Variants in LHFPL3 observed in about 807,000 individuals in gnomAD.
The protein encoded by LHFPL3 is LHFPL tetraspan subfamily member 3 protein.
In LHFPL3, 5 loss-of-function variants were observed where a neutral mutation model predicts 19.3. The ratio of observed to expected loss-of-function variants is 0.26; its 90% CI spans 0.14 to 0.54. The LOEUF (loss-of-function observed/expected upper bound fraction) is 0.54. Among genes scored for constraint, LHFPL3 ranks in the 20% least tolerant of loss-of-function variants. The probability of loss-of-function intolerance (pLI) is 0.94; values close to 1 mark genes in which losing one functional copy is unlikely to be tolerated. For synonymous variants in LHFPL3, 133 were observed against 126.2 expected, an observed-to-expected ratio of 1.05 and a Z score of -0.36; for missense variants, 249 against 307.4, an observed-to-expected ratio of 0.81 and a Z score of 1.42.
chr7:104,665,455 C>A lies in LHFPL3; in HGVS notation c.446-71220C>A, dbSNP rs138065643. On this transcript the variant is annotated intron_variant, in intron 1 of 2. Transcript: ENST00000424859. ...TTAAAAAAATGTAACCATATTCAGG[C>A]TTTTTTAACTATTAAAAAATTCCAG... 4.5e-4 allele frequency among the ~76,000 whole-genome samples: 68 copies of A among 152,268 alleles called. 1 individual carries two copies. In the East Asian group the frequency reaches 8.7e-3, roughly 19 times the overall value.
chr7:104,839,694 AAAATT>A (rs142031787), intron 2 of LHFPL3, among the ~76,000 whole-genome samples: 32,673 of 151,850 alleles, frequency 0.22, 3,750 homozygotes, highest in South Asian at 0.39. Context: ...AGAAAGAAAA[AAAATT>A]AAATTAACAT....
In LHFPL3 at chr7:104,343,512, C is replaced by CAAAAAAAAAAAAAAAAAAA. The variant is rs536122769; in HGVS notation, c.445+14309_445+14327dup. Among the ~76,000 whole-genome samples, 3 of 47,476 alleles carry CAAAAAAAAAAAAAAAAAAA rather than the reference C, an allele frequency of 6.3e-5. 1 individual carries two copies. Among genetic ancestry groups the CAAAAAAAAAAAAAAAAAAA allele is most frequent in the Admixed American group, 5.0e-4 (2 of 3,964 alleles). The allele number at this position is 47,476 out of a possible 152,430, so 31.1% of individuals were successfully genotyped here. On this transcript the variant is annotated intron_variant, in intron 1 of 2. Coordinates refer to ENST00000424859, the MANE Select transcript of LHFPL3 (RefSeq NM_199000.3). ...TGGGCAACAGAGTGAGACTCTGTCT[C>CAAAAAAAAAAAAAAAAAAA]AAAAAAAAAAAAAAAAAAAAAAAAA...
At chr7:104,901,630 CGTTCATG>C (rs1176396321) in intron 2 of LHFPL3, among the ~76,000 whole-genome samples, 1 of 152,026 alleles carries the variant, frequency 6.6e-6, no homozygotes, top group Non-Finnish European at 1.5e-5. Flanking sequence ...TGCAGTGGTG[CGTTCATG>C]GCTCACTGCA....
chr7:104,759,383 A>T (rs1379888298), intron 2 of LHFPL3, among the ~76,000 whole-genome samples: 1 of 152,208 alleles, frequency 6.6e-6, no homozygotes, highest in Admixed American at 6.5e-5. Flanking sequence ...TTTTAAAAAA[A>T]GGTGAAATTA....
At chr7:104,661,698 G>A (rs1792226259) in intron 1 of LHFPL3, among the ~76,000 whole-genome samples, 1 of 152,160 alleles carries the variant, frequency 6.6e-6, no homozygotes, top group African/African-American at 2.4e-5. Flanking sequence ...AAACTAGATA[G>A]ACCATGCAGA....
intron 1 of LHFPL3, among the ~76,000 whole-genome samples, chr7:104,672,057 A>ATG (rs71968211): frequency 1.1e-3 from 95 of 86,438 alleles, no homozygotes; most frequent in Admixed American, 2.6e-3. Flanking sequence ...TTTAACTTCC[A>ATG]AGTGTGTGTG....
chr7:104,351,057 G>GAAAGA (rs1211597313), intron 1 of LHFPL3, among the ~76,000 whole-genome samples: 2 of 145,762 alleles, frequency 1.4e-5, no homozygotes, highest in African/African-American at 5.0e-5. Flanking sequence ...AAAAAAAAAG[G>GAAAGA]AAAGAAAAGG....
rs371428682 is a variant in LHFPL3, at chr7:104,472,658, G to A, written c.445+143434G>A. ...TATTATACCCATTATTATGTAACTC[G>A]TTTTTTTCAACCAATAATTTCTTTT... On this transcript the variant is annotated intron_variant, in intron 1 of 2. Coordinates refer to ENST00000424859, the MANE Select transcript of LHFPL3 (RefSeq NM_199000.3). 9.2e-5 allele frequency among the ~76,000 whole-genome samples: 14 copies of A among 151,940 alleles called. No individual in the cohort carries two copies. The South Asian group carries it at 1.0e-3, about 11-fold the overall frequency.
intron 1 of LHFPL3, among the ~76,000 whole-genome samples, chr7:104,374,873 AATT>A (rs896451762): frequency 2.6e-5 from 4 of 152,180 alleles, no homozygotes; most frequent in Non-Finnish European, 5.9e-5. Flanking sequence ...GCAAGCATGG[AATT>A]ATTATTTTTG....
intron 2 of LHFPL3, among the ~76,000 whole-genome samples, chr7:104,740,680 A>G (rs1793917249): frequency 2.0e-5 from 3 of 152,234 alleles, no homozygotes; most frequent in Admixed American, 6.5e-5. Flanking sequence ...TTATAAAACC[A>G]TCACATCTTG....
At chr7:104,386,169 C>T (rs1287661457) in intron 1 of LHFPL3, among the ~76,000 whole-genome samples, 2 of 152,162 alleles carry the variant, frequency 1.3e-5, no homozygotes, top group African/African-American at 4.8e-5. Flanking sequence ...AAACAGCAGC[C>T]TAACAGCCAC....
intron 1 of LHFPL3, among the ~76,000 whole-genome samples, chr7:104,418,397 T>C (rs954618983): frequency 1.3e-5 from 2 of 151,996 alleles, no homozygotes; most frequent in Non-Finnish European, 2.9e-5. Flanking sequence ...CCAGATGTGG[T>C]AGTGTGCACC....
chr7:104,544,116 T>C (rs1456547173), intron 1 of LHFPL3, among the ~76,000 whole-genome samples: 3 of 151,894 alleles, frequency 2.0e-5, no homozygotes, highest in African/African-American at 7.2e-5. Flanking sequence ...TTTTAATTAT[T>C]CTAACTAACC....
intron 1 of LHFPL3, among the ~76,000 whole-genome samples, chr7:104,430,429 T>TAC (rs1791964321): frequency 4.1e-4 from 5 of 12,252 alleles, no homozygotes; most frequent in Non-Finnish European, 8.9e-4. Flanking sequence ...CATATATATA[T>TAC]ATATATATAT....
Position 104,560,774 on chromosome 7 carries a change from A to G in LHFPL3, c.446-175901A>G, listed in dbSNP as rs1487528079. Among the ~76,000 whole-genome samples the G allele has an allele frequency of 6.2e-5, 9 of 146,064 alleles. No individual in the cohort carries two copies. The South Asian group carries it at 6.6e-4, about 11-fold the overall frequency. Reference sequence around the variant, plus strand: ...TTCTAGTTCTTTTAATTGTGATGTTAGGGTGTCAATTTTGGATCTTTCCTG... The same window carrying G: ...TTCTAGTTCTTTTAATTGTGATGTTGGGGTGTCAATTTTGGATCTTTCCTG... On this transcript the variant is annotated intron_variant, in intron 1 of 2. Coordinates refer to ENST00000424859, the MANE Select transcript of LHFPL3 (RefSeq NM_199000.3).
intron 1 of LHFPL3, among the ~76,000 whole-genome samples, chr7:104,528,985 T>C (rs1208918293): frequency 6.6e-6 from 1 of 152,156 alleles, no homozygotes; most frequent in African/African-American, 2.4e-5. Flanking sequence ...AAACTCAGTT[T>C]CTTCTAGATC....
chr7:104,730,547 T>A (rs555330495), intron 1 of LHFPL3, among the ~76,000 whole-genome samples: 2 of 152,230 alleles, frequency 1.3e-5, no homozygotes, highest in African/African-American at 4.8e-5. Context: ...TGTCTTCTTT[T>A]GAGAAGTGTC....
chr7:104,486,278 C>T (rs116459823), intron 1 of LHFPL3, among the ~76,000 whole-genome samples: 3,112 of 152,312 alleles, frequency 0.02, 82 homozygotes, highest in East Asian at 0.055. Context: ...GCTAGTTCCC[C>T]TTTATCATTT....
At chr7:104,526,283 C>G (rs78750579) in intron 1 of LHFPL3, among the ~76,000 whole-genome samples, 10 of 152,168 alleles carry the variant, frequency 6.6e-5, no homozygotes, top group Admixed American at 6.5e-4. Context: ...AGACACTAGC[C>G]AAATAAACAA....
Sources: gnomAD v4.1 joint callset for allele counts (sites outside exome capture counted in the v4.1 genomes callset) on GRCh38, gnomAD v4.1.1 for gene constraint, MANE v1.5 for transcripts, NCBI Gene and HGNC (gene_info 2026-07-23, HGNC 2026-07-21) for gene names.